The following STK3 variants were observed in gnomAD, a reference collection of about 807,000 sequenced individuals.
STK3 encodes the protein serine/threonine kinase 3.
STK3 carries 41 observed loss-of-function variants against 58.0 expected under a neutral mutation model. That is an observed-to-expected ratio of 0.71 (90% CI 0.55 to 0.92). The LOEUF (loss-of-function observed/expected upper bound fraction) is 0.92, where lower values mean the gene tolerates loss of function less well. Ranked by LOEUF, STK3 falls within the 40% of genes least tolerant of loss-of-function variation. The pLI, the probability that STK3 is intolerant of heterozygous loss-of-function variation, is 0.00. For missense variants in STK3, 479 were observed against 602.7 expected (o/e 0.79, Z 2.15); for synonymous variants, 170 against 191.0 (o/e 0.89, Z 0.91).
intron 2 of STK3, among the ~76,000 whole-genome samples, chr8:98,773,344 T>C (rs948574322): frequency 6.6e-6 from 1 of 152,230 alleles, no homozygotes; most frequent in Non-Finnish European, 1.5e-5. Context: ...TTGATATTGC[T>C]ACCTAATATA....
intron 3 of STK3, among the ~76,000 whole-genome samples, chr8:98,414,808 C>G (rs376704740): frequency 1.3e-5 from 2 of 152,214 alleles, no homozygotes; most frequent in East Asian, 3.9e-4. Context: ...TCCATCTCTA[C>G]TCCCTTTCTC....
chr8:98,845,993 C>G (rs1310781966), intron 3 of STK3, among the ~76,000 whole-genome samples: 3 of 152,218 alleles, frequency 2.0e-5, no homozygotes, highest in Admixed American at 2.0e-4. Context: ...GCTGGTTGCA[C>G]AGAGCTAGGA....
chr8:98,710,595 G>T (rs931338118), intron 4 of STK3, among the ~76,000 whole-genome samples: 1 of 152,240 alleles, frequency 6.6e-6, no homozygotes, highest in Non-Finnish European at 1.5e-5. Flanking sequence ...GGCTGGGGGA[G>T]GGGCGCCTGC....
chr8:98,455,638 TCTC>T lies in STK3; in HGVS notation c.*201_*203del, dbSNP rs1471024956. The T allele has an allele frequency of 5.1e-6, 3 of 590,378 alleles. No individual in the cohort carries two copies. The highest frequency in any genetic ancestry group is 8.9e-6 in the Non-Finnish European group (3 of 337,382). 36.6% of individuals were successfully genotyped at this position (590,378 alleles called of 1,614,324 possible). Reference sequence around the variant, plus strand: ...GAACAAGAGAATACACTTCTTTTGTTCTCCTCATCTTAGAGTGAATGCACAGCA... The same window carrying T: ...GAACAAGAGAATACACTTCTTTTGTTCTCATCTTAGAGTGAATGCACAGCA... On this transcript the variant is annotated 3_prime_UTR_variant, in exon 11 of 11. Coordinates refer to ENST00000419617, the MANE Select transcript of STK3 (RefSeq NM_006281.4).
chr8:98,428,859 G>C lies in STK3; in HGVS notation n.483+5268C>G. On this transcript the variant is annotated intron_variant and non_coding_transcript_variant, in intron 3 of 3. Coordinates refer to the STK3 transcript ENST00000517832. The surrounding 1 kb of genome is among the most constrained non-coding windows in gnomAD (Gnocchi z 6.7). ...TACTTTAGCCAACTTGGGCAGGGTG[G>C]CCCAGGTCCTGAGGCTGATGCGGAT... The C allele has an allele frequency of 6.2e-7, 1 of 1,614,170 alleles. No homozygotes were observed. The highest frequency in any genetic ancestry group is 8.5e-7 in the Non-Finnish European group (1 of 1,180,018).
chr8:98,385,817 C>T (rs572163062), intron 1 of STK3, among the ~76,000 whole-genome samples: 3 of 152,218 alleles, frequency 2.0e-5, no homozygotes. Context: ...AGTTTGGGTC[C>T]TGAAATTCAC....
chr8:98,802,535 T>C (rs1204407863), intron 1 of STK3, among the ~76,000 whole-genome samples: 2 of 152,174 alleles, frequency 1.3e-5, no homozygotes, highest in Non-Finnish European at 2.9e-5. Flanking sequence ...TACATATAGG[T>C]TCACTTTCTC....
intron 10 of STK3, among the ~76,000 whole-genome samples, chr8:98,468,979 G>C (rs1234499028): frequency 6.6e-6 from 1 of 151,856 alleles, no homozygotes; most frequent in Non-Finnish European, 1.5e-5. Context: ...CGAGGTGGCG[G>C]GTGCCTGTAG....
intron 6 of STK3, among the ~76,000 whole-genome samples, chr8:98,615,055 G>A (rs1563806042): frequency 6.6e-6 from 1 of 152,008 alleles, no homozygotes; most frequent in Admixed American, 6.6e-5. Context: ...AGACTTAAAT[G>A]TCCCTGTCTG....
chr8:98,765,145 T>C (rs893633045), intron 3 of STK3, among the ~76,000 whole-genome samples: 3 of 152,218 alleles, frequency 2.0e-5, no homozygotes, highest in African/African-American at 7.2e-5. Context: ...GAACTATTTT[T>C]AACCATAATA....
At chr8:98,778,559 T>C (rs1473853704) in intron 1 of STK3, among the ~76,000 whole-genome samples, 2 of 152,202 alleles carry the variant, frequency 1.3e-5, no homozygotes, top group Admixed American at 6.5e-5. Flanking sequence ...TAAATCATGC[T>C]GCTATAAAGA....
intron 10 of STK3, among the ~76,000 whole-genome samples, chr8:98,475,038 T>C (rs1052728735): frequency 6.6e-6 from 1 of 152,214 alleles, no homozygotes; most frequent in Admixed American, 6.5e-5. Flanking sequence ...GTCATCACGG[T>C]GACATACACA....
the STK3 span, among the ~76,000 whole-genome samples, chr8:98,355,383 T>C: frequency 6.6e-6 from 1 of 152,232 alleles, no homozygotes; most frequent in African/African-American, 2.4e-5. Flanking sequence ...CCAACTGACA[T>C]GCACCATACA....
chr8:98,690,449 C>CAA (rs34742964), intron 6 of STK3, among the ~76,000 whole-genome samples: 1,200 of 108,726 alleles, frequency 0.011, 5 homozygotes, highest in African/African-American at 0.014. Flanking sequence ...CAATTCCTAC[C>CAA]AAAAAAAAAA....
chr8:98,745,167 CAT>C (rs1829557753), intron 4 of STK3, among the ~76,000 whole-genome samples: 1 of 152,162 alleles, frequency 6.6e-6, no homozygotes, highest in African/African-American at 2.4e-5. Context: ...TAACCAGCTG[CAT>C]ATGTTTTACC....
chr8:98,416,163 C>T (rs889776821), intron 3 of STK3, among the ~76,000 whole-genome samples: 5 of 152,194 alleles, frequency 3.3e-5, no homozygotes, highest in African/African-American at 4.8e-5. Flanking sequence ...GAGCAAGCCA[C>T]GTGGTTCCTC....
intron 6 of STK3, among the ~76,000 whole-genome samples, chr8:98,612,102 C>T (rs1273545024): frequency 6.7e-6 from 1 of 149,630 alleles, no homozygotes; most frequent in Admixed American, 6.7e-5. Flanking sequence ...ATGTATGTCA[C>T]TATATTTTAT....
intron 1 of STK3, among the ~76,000 whole-genome samples, chr8:98,918,199 C>T (rs945452993): frequency 6.6e-6 from 1 of 152,154 alleles, no homozygotes; most frequent in Non-Finnish European, 1.5e-5. Context: ...GTATGAATTG[C>T]TTGCTCGATA....
chr8:98,524,613 A>G (rs926391803), intron 10 of STK3, among the ~76,000 whole-genome samples: 2 of 152,364 alleles, frequency 1.3e-5, no homozygotes, highest in East Asian at 1.9e-4. Flanking sequence ...GCTATTATCA[A>G]TGGACACTGT....
Sources: gnomAD v4.1 joint callset for allele counts (sites outside exome capture counted in the v4.1 genomes callset) on GRCh38, gnomAD v4.1.1 for gene constraint, Gnocchi (gnomAD v3.1) non-coding constraint, MANE v1.5 for transcripts, NCBI Gene and HGNC (gene_info 2026-07-23, HGNC 2026-07-21) for gene names.